Variants in SIK3 observed in about 807,000 individuals in gnomAD.
SIK3 encodes the protein serine/threonine-protein kinase SIK3.
Under a neutral mutation model 144.2 loss-of-function variants are expected in SIK3, and 28 were observed. The ratio of observed to expected loss-of-function variants is 0.19; its 90% CI spans 0.14 to 0.27. The LOEUF (loss-of-function observed/expected upper bound fraction) is 0.27. SIK3 is among the 10% of genes least tolerant of loss of function. The probability of loss-of-function intolerance (pLI) is 1.00; values close to 1 mark genes in which losing one functional copy is unlikely to be tolerated. For synonymous variants in SIK3, 686 were observed against 676.3 expected, an observed-to-expected ratio of 1.01 and a Z score of -0.22; for missense variants, 1,319 against 1,776.0, an observed-to-expected ratio of 0.74 and a Z score of 4.62.
In SIK3 at chr11:117,004,134, T is replaced by C. The variant is rs146607830; in HGVS notation, c.274-47070A>G. Among the ~76,000 whole-genome samples, 429 of 152,312 alleles carry C rather than the reference T, an allele frequency of 2.8e-3. 6 individuals are homozygous for C. Among genetic ancestry groups the C allele is most frequent in the Middle Eastern group, 0.024 (7 of 294 alleles). ...AAAGTTGACAGAATGCAACCCTGAA[T>C]TTAACTTGTCTGAACTAAGACAGGA... On this transcript the variant is annotated intron_variant, in intron 1 of 24. Transcript: ENST00000445177.
chr11:116,933,889 A>G (rs1004543164), intron 3 of SIK3, among the ~76,000 whole-genome samples: 3 of 152,214 alleles, frequency 2.0e-5, no homozygotes, highest in Admixed American at 6.5e-5. Flanking sequence ...TTGTTCTACT[A>G]TAATCACATA....
In SIK3 at chr11:116,927,334, C is replaced by T; in HGVS notation, c.501G>A (p.Arg167=). 1 of 1,614,030 alleles carries T rather than the reference C, an allele frequency of 6.2e-7. No homozygotes were observed. Among genetic ancestry groups the T allele is most frequent in the Non-Finnish European group, 8.5e-7 (1 of 1,179,926 alleles). The change falls in exon 4 of 25, where the codon CGG becomes CGA. Residue 167 remains arginine, a synonymous_variant. Transcript: ENST00000445177. ...HGRMAEKEAR[R]KFKQIVTAVY... Reference sequence around the variant, plus strand: ...CAGCTGTGACGATCTGTTTGAACTTCCGACGTGCCTCCTTTTCTGCCATTC... The same window carrying T: ...CAGCTGTGACGATCTGTTTGAACTTTCGACGTGCCTCCTTTTCTGCCATTC...
At chr11:116,946,748 C>T (rs191410799) in intron 3 of SIK3, among the ~76,000 whole-genome samples, 2 of 152,268 alleles carry the variant, frequency 1.3e-5, no homozygotes, top group Admixed American at 1.3e-4. Context: ...TCCTTCAGAG[C>T]AATGCTTCTC....
At chr11:117,067,087 T>C (rs981545143) in intron 1 of SIK3, among the ~76,000 whole-genome samples, 5 of 152,188 alleles carry the variant, frequency 3.3e-5, no homozygotes, top group Middle Eastern at 3.2e-3. Context: ...GAATATAAAA[T>C]GGTACGGCAA....
At chr11:117,045,616 G>C (rs576284940) in intron 1 of SIK3, among the ~76,000 whole-genome samples, 1 of 152,300 alleles carries the variant, frequency 6.6e-6, no homozygotes, top group East Asian at 1.9e-4. Context: ...ATCCTGTGTA[G>C]TATTTGTTCT....
intron 1 of SIK3, among the ~76,000 whole-genome samples, chr11:117,031,330 A>C (rs574534047): frequency 2.0e-5 from 3 of 148,636 alleles, no homozygotes; most frequent in African/African-American, 7.3e-5. Context: ...ATTTTTTTAT[A>C]AGGTGTGAAG....
At chr11:117,087,326 C>T (rs996843671) in intron 1 of SIK3, among the ~76,000 whole-genome samples, 1 of 151,976 alleles carries the variant, frequency 6.6e-6, no homozygotes, top group Non-Finnish European at 1.5e-5. Flanking sequence ...ACCTGTAATC[C>T]CAGCTACTAG....
chr11:116,913,737 T>C (rs1946461664), intron 4 of SIK3, among the ~76,000 whole-genome samples: 1 of 152,138 alleles, frequency 6.6e-6, no homozygotes, highest in Non-Finnish European at 1.5e-5. Flanking sequence ...GTGAGCATGG[T>C]ATACAAAATT....
At position 116,868,108 on chromosome 11, in the gene SIK3, C is replaced by T; in HGVS notation, c.1809-19G>A. 1.3e-6 allele frequency: 2 copies of T among 1,550,564 alleles called. No individual in the cohort carries two copies. Among genetic ancestry groups the T allele is most frequent in the Admixed American group, 2.0e-5 (1 of 51,010 alleles). ...CAAGTACCTGCAACAAGCAGGAGCACATTTCATAGTAAAAAAGACAGACAG... is the reference window on the plus strand; with the variant it reads ...CAAGTACCTGCAACAAGCAGGAGCATATTTCATAGTAAAAAAGACAGACAG... On this transcript the variant is annotated intron_variant, in intron 14 of 24. Coordinates refer to ENST00000445177, the MANE Select transcript of SIK3 (RefSeq NM_001366686.3).
chr11:117,012,336 T>C (rs1000118180), intron 1 of SIK3, among the ~76,000 whole-genome samples: 5 of 152,110 alleles, frequency 3.3e-5, no homozygotes, highest in Non-Finnish European at 7.4e-5. Flanking sequence ...CACCATTATA[T>C]TGGAGCATAG....
At chr11:117,064,844 T>C (rs1418368313) in intron 1 of SIK3, among the ~76,000 whole-genome samples, 1 of 152,130 alleles carries the variant, frequency 6.6e-6, no homozygotes, top group Non-Finnish European at 1.5e-5. Context: ...AACTCAGGAA[T>C]TGATCCCATA....
intron 1 of SIK3, among the ~76,000 whole-genome samples, chr11:117,082,467 A>G (rs1014165915): frequency 2.0e-5 from 3 of 152,248 alleles, no homozygotes; most frequent in Non-Finnish European, 4.4e-5. Context: ...AGATTCCAAC[A>G]TATGTAAGAA....
intron 3 of SIK3, among the ~76,000 whole-genome samples, chr11:116,938,574 AGG>A (rs1948093808): frequency 5.1e-4 from 24 of 47,302 alleles, no homozygotes; most frequent in East Asian, 4.6e-3. Context: ...AGGGGAGGGG[AGG>A]GGAGGGGAGG....
At chr11:116,951,865 C>G (rs1433383129) in intron 3 of SIK3, among the ~76,000 whole-genome samples, 1 of 151,052 alleles carries the variant, frequency 6.6e-6, no homozygotes, top group Non-Finnish European at 1.5e-5. Flanking sequence ...GCCCAGGAAG[C>G]TGGGGGTGCA....
At chr11:117,051,713 G>T (rs1405810104) in intron 1 of SIK3, among the ~76,000 whole-genome samples, 1 of 151,948 alleles carries the variant, frequency 6.6e-6, no homozygotes, top group Non-Finnish European at 1.5e-5. Flanking sequence ...ATTTTTAATA[G>T]AGATGGGGTT....
chr11:116,908,534 AC>A (rs970827946), intron 4 of SIK3, among the ~76,000 whole-genome samples: 34 of 152,248 alleles, frequency 2.2e-4, no homozygotes, highest in African/African-American at 6.7e-4. Flanking sequence ...AACAAAAAAA[AC>A]AAAGGACTTG....
Position 116,849,444 on chromosome 11 carries a change from G to A in SIK3, c.3656-161C>T, listed in dbSNP as rs573317062. 1.2e-4 allele frequency among the ~76,000 whole-genome samples: 18 copies of A among 152,150 alleles called. No homozygotes were observed. The highest frequency in any genetic ancestry group is 2.1e-4 in the Non-Finnish European group (14 of 68,028). On this transcript the variant is annotated intron_variant, in intron 21 of 24. Coordinates refer to ENST00000445177, the MANE Select transcript of SIK3 (RefSeq NM_001366686.3). This position sits in a 1 kb window ranked among gnomAD's most constrained non-coding sequence, Gnocchi z 4.2. The stretch of plus-strand genomic sequence containing the variant: ...CGGCGTCATGGCTTAGAGGAGCCTG[G>A]ACCAGCCCTCCAAAAGACGAGCTGT...
At chr11:116,978,741 C>G (rs1276377698) in intron 1 of SIK3, among the ~76,000 whole-genome samples, 4 of 151,738 alleles carry the variant, frequency 2.6e-5, no homozygotes, top group African/African-American at 4.8e-5. Context: ...CTCCTGGGCT[C>G]AAGGGATCCT....
At chr11:117,007,477 C>A (rs1021518967) in intron 1 of SIK3, among the ~76,000 whole-genome samples, 2 of 152,224 alleles carry the variant, frequency 1.3e-5, no homozygotes, top group Non-Finnish European at 2.9e-5. Context: ...CTTTCCCACT[C>A]CTCACCAATT....
Sources: allele counts gnomAD v4.1 joint callset (sites outside exome capture counted in the v4.1 genomes callset), GRCh38; gene constraint gnomAD v4.1.1; non-coding constraint Gnocchi (gnomAD v3.1); transcripts MANE v1.5; gene names NCBI Gene and HGNC (gene_info 2026-07-23, HGNC 2026-07-21).